The following PRDM16 variants were observed in gnomAD, a reference collection of about 807,000 sequenced individuals.
PRDM16 encodes the protein PR/SET domain 16.
Under a neutral mutation model 110.6 loss-of-function variants are expected in PRDM16, and 23 were observed. The observed-to-expected ratio is 0.21, with a 90% confidence interval of 0.15 to 0.29. The LOEUF (loss-of-function observed/expected upper bound fraction) is 0.29, where lower values mean the gene tolerates loss of function less well. Among genes scored for constraint, PRDM16 ranks in the 10% least tolerant of loss-of-function variants. The pLI, the probability that PRDM16 is intolerant of heterozygous loss-of-function variation, is 1.00. For synonymous variants in PRDM16, 799 were observed against 781.8 expected (o/e 1.02, Z -0.37); for missense variants, 1,615 against 1,794.3 (o/e 0.90, Z 1.81).
In PRDM16 at chr1:3,143,998, G is replaced by A. The variant is rs1281522005; in HGVS notation, c.38-42127G>A. 6.6e-6 allele frequency among the ~76,000 whole-genome samples: 1 copy of A among 152,230 alleles called. No homozygotes were observed. The highest frequency in any genetic ancestry group is 2.1e-4 in the South Asian group (1 of 4,830). Reference sequence around the variant, plus strand: ...CTAAGGGGTCCTCTTTGCCGCCTGTGAAGACAGCTGCGTGGCCACCTGGCC... The same window carrying A: ...CTAAGGGGTCCTCTTTGCCGCCTGTAAAGACAGCTGCGTGGCCACCTGGCC... On this transcript the variant is annotated intron_variant, in intron 1 of 16. Coordinates refer to ENST00000270722, the MANE Select transcript of PRDM16 (RefSeq NM_022114.4). The surrounding 1 kb of genome is among the most constrained non-coding windows in gnomAD (Gnocchi z 4.5).
At chr1:3,122,958 C>T (rs980879602) in intron 1 of PRDM16, among the ~76,000 whole-genome samples, 1 of 152,136 alleles carries the variant, frequency 6.6e-6, no homozygotes, top group Non-Finnish European at 1.5e-5. Flanking sequence ...GCCTGGGGGA[C>T]GGCTCAGGGG....
At chr1:3,249,119 C>A (rs1419964126) in intron 3 of PRDM16, among the ~76,000 whole-genome samples, 1 of 152,168 alleles carries the variant, frequency 6.6e-6, no homozygotes, top group African/African-American at 2.4e-5. Context: ...CACAGCACCA[C>A]GCAGCCGGAG....
In PRDM16 at chr1:3,080,320, G is replaced by A. The variant is rs925862704; in HGVS notation, c.37+11024G>A. ...ATTCAGTTCCCAGCCCAGGCTGAGCGTACAGCGAGTGACTGACAGAATACA... is the reference window on the plus strand; with the variant it reads ...ATTCAGTTCCCAGCCCAGGCTGAGCATACAGCGAGTGACTGACAGAATACA... On this transcript the variant is annotated intron_variant, in intron 1 of 16. Transcript: ENST00000270722. This position sits in a 1 kb window ranked among gnomAD's most constrained non-coding sequence, Gnocchi z 5.2. Among the ~76,000 whole-genome samples the A allele has an allele frequency of 2.6e-5, 4 of 152,232 alleles. No homozygotes were observed. The highest frequency in any genetic ancestry group is 5.9e-5 in the Non-Finnish European group (4 of 68,040).
chr1:3,153,906 G>T (rs540992686), intron 1 of PRDM16, among the ~76,000 whole-genome samples: 2 of 152,210 alleles, frequency 1.3e-5, no homozygotes, highest in Non-Finnish European at 1.5e-5. Flanking sequence ...GCATATCTAC[G>T]TAGAGATCCA....
At chr1:3,171,922 G>A (rs999366221) in intron 1 of PRDM16, among the ~76,000 whole-genome samples, 3 of 152,130 alleles carry the variant, frequency 2.0e-5, no homozygotes, top group Non-Finnish European at 4.4e-5. Context: ...CGAGCTCCAG[G>A]TGCAAGCCCC....
At position 3,414,651 on chromosome 1, in the gene PRDM16, C is replaced by T. The variant is rs374015321; in HGVS notation, c.2691+4C>T. On this transcript the variant is annotated splice_donor_region_variant and intron_variant, in intron 10 of 16. Transcript: ENST00000270722. ...CCCGCTGCTCTTCCACCCCCAGGTACGTCCTCAGTGCAGGTCAGGGCGCCC... is the reference window on the plus strand; with the variant it reads ...CCCGCTGCTCTTCCACCCCCAGGTATGTCCTCAGTGCAGGTCAGGGCGCCC... The T allele has an allele frequency of 6.5e-5, 104 of 1,611,216 alleles. No homozygotes were observed. The highest frequency in any genetic ancestry group is 8.4e-5 in the Admixed American group (5 of 59,842).
At chr1:3,397,947 G>A (rs976444787) in intron 5 of PRDM16, among the ~76,000 whole-genome samples, 21 of 152,284 alleles carry the variant, frequency 1.4e-4, no homozygotes, top group Admixed American at 5.2e-4. Flanking sequence ...GTGTCCGAAA[G>A]GAAATGACCA....
intron 3 of PRDM16, among the ~76,000 whole-genome samples, chr1:3,286,192 C>T (rs1447547557): frequency 6.6e-6 from 1 of 152,226 alleles, no homozygotes; most frequent in African/African-American, 2.4e-5. Context: ...AATGTTCCCT[C>T]ACAGTGGTCC....
intron 1 of PRDM16, among the ~76,000 whole-genome samples, chr1:3,099,325 AC>A (rs1326679537): frequency 6.6e-6 from 1 of 152,256 alleles, no homozygotes; most frequent in Non-Finnish European, 1.5e-5. Context: ...TAACATACAG[AC>A]AGTGACGACC....
At chr1:3,076,455 C>T (rs553056719) in intron 1 of PRDM16, among the ~76,000 whole-genome samples, 141 of 152,280 alleles carry the variant, frequency 9.3e-4, no homozygotes, top group African/African-American at 3.2e-3. Context: ...TGCTAGTGGC[C>T]GCCGGCTGGT....
intron 2 of PRDM16, among the ~76,000 whole-genome samples, chr1:3,226,404 C>T (rs529227271): frequency 2.8e-4 from 42 of 152,336 alleles, no homozygotes; most frequent in African/African-American, 8.7e-4. Flanking sequence ...GATCCCTCCA[C>T]GGCTTCCCCC....
intron 3 of PRDM16, among the ~76,000 whole-genome samples, chr1:3,282,367 G>A (rs1002109799): frequency 2.0e-5 from 3 of 152,186 alleles, no homozygotes; most frequent in Non-Finnish European, 2.9e-5. Flanking sequence ...GGCCCCCACA[G>A]GTCCTCGACC....
intron 1 of PRDM16, among the ~76,000 whole-genome samples, chr1:3,181,674 ACG>A (rs1344449843): frequency 7.3e-6 from 1 of 136,556 alleles, no homozygotes; most frequent in East Asian, 2.4e-4. Flanking sequence ...ACAGTCTTAC[ACG>A]CGCAGTCTTA....
At chr1:3,261,677 C>T (rs935260909) in intron 3 of PRDM16, among the ~76,000 whole-genome samples, 1 of 152,140 alleles carries the variant, frequency 6.6e-6, no homozygotes, top group Non-Finnish European at 1.5e-5. Flanking sequence ...GGGAGACCTG[C>T]CCAGATACCC....
chr1:3,209,250 G>A lies in PRDM16; in HGVS notation c.387+22776G>A, dbSNP rs1638823568. On this transcript the variant is annotated intron_variant, in intron 2 of 16. Transcript: ENST00000270722. The surrounding 1 kb of genome is among the most constrained non-coding windows in gnomAD (Gnocchi z 4.6). The stretch of plus-strand genomic sequence containing the variant: ...GAAAAGCAACAAGAAGAGAAGGACA[G>A]GAAATAAATCTCAGAGTGGGATTTA... Among the ~76,000 whole-genome samples the A allele has an allele frequency of 6.6e-6, 1 of 152,236 alleles. No homozygotes were observed. Among genetic ancestry groups the A allele is most frequent in the South Asian group, 2.1e-4 (1 of 4,836 alleles).
At chr1:3,321,203 C>CGGGTG (rs1641733664) in intron 3 of PRDM16, among the ~76,000 whole-genome samples, 1 of 151,998 alleles carries the variant, frequency 6.6e-6, no homozygotes, top group Non-Finnish European at 1.5e-5. Context: ...AACTTAACCC[C>CGGGTG]GGGTGGGCTG....
rs564817766 is a variant in PRDM16 at position 3,420,233 on chromosome 1, G to A, written c.2939+1489G>A. Among the ~76,000 whole-genome samples, 61 of 152,324 alleles carry A rather than the reference G, an allele frequency of 4.0e-4. No individual in the cohort carries two copies. In the South Asian group the frequency reaches 4.1e-3, roughly 10 times the overall value. On this transcript the variant is annotated intron_variant, in intron 12 of 16. Transcript: ENST00000270722. ...ATCTGGCTCAAGGCAGGTCTGTGCC[G>A]AGGGGTTTGGAGCGTGTAGCTTTCC...
chr1:3,327,388 G>A (rs1337400930), intron 3 of PRDM16, among the ~76,000 whole-genome samples: 3 of 152,154 alleles, frequency 2.0e-5, no homozygotes, highest in Non-Finnish European at 2.9e-5. Context: ...GCCTCCCTTA[G>A]ATGTGGACAC....
chr1:3,194,167 C>T (rs901667998), intron 2 of PRDM16, among the ~76,000 whole-genome samples: 12 of 152,318 alleles, frequency 7.9e-5, no homozygotes, highest in East Asian at 3.9e-4. Context: ...CCAAAGCACT[C>T]GTCTGGCCTT....
Sources: allele counts gnomAD v4.1 joint callset (sites outside exome capture counted in the v4.1 genomes callset), GRCh38; gene constraint gnomAD v4.1.1; non-coding constraint Gnocchi (gnomAD v3.1); transcripts MANE v1.5; gene names NCBI Gene and HGNC (gene_info 2026-07-23, HGNC 2026-07-21).